Variants in GNG4 observed in about 807,000 individuals in gnomAD.
The protein encoded by GNG4 is G protein subunit gamma 4, also known as guanine nucleotide-binding protein G(I)/G(S)/G(O) subunit gamma-4.
GNG4 carries 4 observed loss-of-function variants against 5.8 expected under a neutral mutation model. The ratio of observed to expected loss-of-function variants is 0.69; its 90% confidence interval spans 0.34 to 1.57. GNG4 has a LOEUF of 1.57. GNG4 is among the 40% of genes most tolerant of loss of function. The pLI is 0.06. For synonymous variants in GNG4, 29 were observed against 32.9 expected (o/e 0.88, Z 0.41); for missense variants, 96 against 95.1 (o/e 1.01, Z -0.04).
chr1:235,562,634 G>A (rs1687093686), intron 3 of GNG4, among the ~76,000 whole-genome samples: 1 of 132,330 alleles, frequency 7.6e-6, no homozygotes. Flanking sequence ...AACAGAGCAA[G>A]GCTCTGTCTC....
Position 235,648,945 on chromosome 1 carries a change from T to C in GNG4, c.-123+717A>G, listed in dbSNP as rs1396872061. 1.3e-5 allele frequency among the ~76,000 whole-genome samples: 2 copies of C among 152,250 alleles called. No individual in the cohort carries two copies. Among genetic ancestry groups the C allele is most frequent in the Admixed American group, 6.5e-5 (1 of 15,292 alleles). ...TAAGGAGTCTTTCCCCACCACGCTCTGTCCTCCTCCCCACTTCACCCTCCC... is the reference window on the plus strand; with the variant it reads ...TAAGGAGTCTTTCCCCACCACGCTCCGTCCTCCTCCCCACTTCACCCTCCC... On this transcript the variant is annotated intron_variant, in intron 1 of 3. Transcript: ENST00000391854. This position sits in a 1 kb window ranked among gnomAD's most constrained non-coding sequence, Gnocchi z 5.0.
At chr1:235,578,685 C>T (rs904749365) in intron 3 of GNG4, among the ~76,000 whole-genome samples, 1 of 152,164 alleles carries the variant, frequency 6.6e-6, no homozygotes, top group African/African-American at 2.4e-5. Context: ...TGGACAAATA[C>T]TGCATGATCT....
In GNG4 at chr1:235,583,853, A is replaced by G; in HGVS notation, c.-10-5T>C. ...CCCTCTTTCATTCTACTGCCCCTAG[A>G]AGTAACCAAAGTAAAAGGGTTAGAA... On this transcript the variant is annotated splice_region_variant and splice_polypyrimidine_tract_variant and intron_variant, in intron 2 of 3. Coordinates refer to ENST00000391854, the MANE Select transcript of GNG4 (RefSeq NM_001098722.2). The G allele has an allele frequency of 1.3e-6, 2 of 1,572,516 alleles. No homozygotes were observed. Among genetic ancestry groups the G allele is most frequent in the Non-Finnish European group, 1.8e-6 (2 of 1,142,428 alleles).
intron 1 of GNG4, among the ~76,000 whole-genome samples, chr1:235,614,284 AT>A (rs367578916): frequency 6.7e-4 from 96 of 143,490 alleles, no homozygotes; most frequent in Middle Eastern, 3.5e-3. Context: ...GGTCATTTGT[AT>A]TTTTTTTTTC....
chr1:235,632,660 C>T (rs958975089), intron 1 of GNG4, among the ~76,000 whole-genome samples: 1 of 152,142 alleles, frequency 6.6e-6, no homozygotes, highest in African/African-American at 2.4e-5. Flanking sequence ...TTGTAACTGT[C>T]TGTCGTCTTC....
chr1:235,603,353 CCTTT>C (rs1558493593), intron 1 of GNG4, among the ~76,000 whole-genome samples: 1 of 152,044 alleles, frequency 6.6e-6, no homozygotes, highest in Non-Finnish European at 1.5e-5. Context: ...AAGGGCACAG[CCTTT>C]CTATCTGTAC....
intron 1 of GNG4, among the ~76,000 whole-genome samples, chr1:235,632,973 C>T (rs1318096628): frequency 6.6e-6 from 1 of 152,172 alleles, no homozygotes; most frequent in South Asian, 2.1e-4. Flanking sequence ...TGCTGATCAT[C>T]TGTTCCATAC....
intron 1 of GNG4, among the ~76,000 whole-genome samples, chr1:235,614,237 G>C (rs1485933528): frequency 6.6e-6 from 1 of 151,844 alleles, no homozygotes; most frequent in Non-Finnish European, 1.5e-5. Flanking sequence ...TATGTATGTA[G>C]GTCTGTAGTG....
intron 3 of GNG4, among the ~76,000 whole-genome samples, chr1:235,576,951 T>A (rs2841878): frequency 1.3e-5 from 2 of 152,024 alleles, no homozygotes; most frequent in Non-Finnish European, 2.9e-5. Context: ...TTTTCCTCCA[T>A]GAATCGTGCA....
At chr1:235,593,027 C>A (rs1688017017) in intron 2 of GNG4, among the ~76,000 whole-genome samples, 1 of 150,892 alleles carries the variant, frequency 6.6e-6, no homozygotes, top group Admixed American at 6.6e-5. Flanking sequence ...CTGCTCACTG[C>A]AACATCCACC....
intron 2 of GNG4, among the ~76,000 whole-genome samples, chr1:235,585,728 G>T (rs1418722294): frequency 6.6e-6 from 1 of 152,014 alleles, no homozygotes; most frequent in Non-Finnish European, 1.5e-5. Context: ...TTATTGTGGG[G>T]GTGTGTCTTC....
intron 3 of GNG4, among the ~76,000 whole-genome samples, chr1:235,581,125 G>A (rs544935418): frequency 7.9e-5 from 12 of 152,188 alleles, no homozygotes; most frequent in Middle Eastern, 3.4e-3. Flanking sequence ...CAAATCTCAC[G>A]TCAAATTGTA....
chr1:235,587,232 T>TGTGGGAGG (rs1241669355), intron 2 of GNG4, among the ~76,000 whole-genome samples: 1 of 32,914 alleles, frequency 3.0e-5, no homozygotes, highest in Non-Finnish European at 5.3e-5. Flanking sequence ...TGAGTGTGAG[T>TGTGGGAGG]GTGTGAGGTG....
chr1:235,550,215 G>A lies in GNG4; in HGVS notation c.*1894C>T, dbSNP rs1686704392. On this transcript the variant is annotated 3_prime_UTR_variant, in exon 4 of 4. Transcript: ENST00000391854. The stretch of plus-strand genomic sequence containing the variant: ...CATCGATGTCTAGCCTTTCCTTGGG[G>A]CATCCATGAATCACCTTCCTTAAAC... The A allele has an allele frequency of 6.6e-6, 1 of 152,228 alleles. No homozygotes were observed. Among genetic ancestry groups the A allele is most frequent in the Admixed American group, 6.5e-5 (1 of 15,272 alleles). 9.4% of individuals were successfully genotyped at this position (152,228 alleles called of 1,614,324 possible). A position where few individuals can be genotyped will look rare whatever the true frequency, so the allele number is the denominator to read the frequency against.
intron 3 of GNG4, among the ~76,000 whole-genome samples, chr1:235,572,075 A>T (rs903255877): frequency 5.9e-5 from 9 of 152,144 alleles, no homozygotes; most frequent in African/African-American, 1.9e-4. Context: ...AGCTCAAGTG[A>T]TCCTCCTGCC....
intron 3 of GNG4, chr1:235,566,541 A>G (rs1558476691): frequency 6.4e-6 from 1 of 156,370 alleles, no homozygotes; most frequent in Non-Finnish European, 1.4e-5. Flanking sequence ...TAATAGCAAT[A>G]AAGTGCATAA....
At chr1:235,580,746 G>GTTTTTTT (rs56370700) in intron 3 of GNG4, among the ~76,000 whole-genome samples, 6 of 125,756 alleles carry the variant, frequency 4.8e-5, no homozygotes, top group Admixed American at 9.1e-5. Flanking sequence ...CCCGTTTTTT[G>GTTTTTTT]TTTTTTTTTT....
At chr1:235,614,609 C>T (rs114334552) in intron 1 of GNG4, 2,278 of 152,392 alleles carry the variant, frequency 0.015, 28 homozygotes, top group Admixed American at 0.03. Flanking sequence ...TAGCCAGCAA[C>T]CCTGGGGCCC....
intron 1 of GNG4, among the ~76,000 whole-genome samples, chr1:235,633,155 A>G (rs910982815): frequency 6.6e-6 from 1 of 152,220 alleles, no homozygotes. Flanking sequence ...AACGATGTAG[A>G]GTCTGACGCA....
Sources: allele counts gnomAD v4.1 joint callset (sites outside exome capture counted in the v4.1 genomes callset), GRCh38; gene constraint gnomAD v4.1.1; non-coding constraint Gnocchi (gnomAD v3.1); transcripts MANE v1.5; gene names NCBI Gene and HGNC (gene_info 2026-07-23, HGNC 2026-07-21).